Variants in CABP7 observed in about 807,000 individuals in gnomAD.
CABP7 encodes calcium-binding protein 7.
A neutral mutation model predicts 23.1 loss-of-function variants in CABP7; 13 were observed. That is an observed-to-expected ratio of 0.56 (90% CI 0.37 to 0.90). The LOEUF is 0.90. Among genes scored for constraint, CABP7 ranks in the 40% least tolerant of loss-of-function variants. The probability of loss-of-function intolerance (pLI) is 0.01; values close to 1 mark genes in which losing one functional copy is unlikely to be tolerated. For synonymous variants in CABP7, 123 were observed against 115.3 expected (o/e 1.07, Z -0.43); for missense variants, 248 against 295.6 (o/e 0.84, Z 1.18).
Position 29,729,685 on chromosome 22 carries a change from A to C in CABP7, c.*116A>C. Reference sequence around the variant, plus strand: ...CTGGGCCGCCATCTGCGTGTACTTCAGGGCCTGGGTATCCAGCGAGCCCTC... The same window carrying C: ...CTGGGCCGCCATCTGCGTGTACTTCCGGGCCTGGGTATCCAGCGAGCCCTC... On this transcript the variant is annotated 3_prime_UTR_variant, in exon 5 of 5. Coordinates refer to ENST00000216144, the MANE Select transcript of CABP7 (RefSeq NM_182527.3). 1 of 1,361,990 alleles carries C rather than the reference A, an allele frequency of 7.3e-7. No individual in the cohort carries two copies. The highest frequency in any genetic ancestry group is 1.3e-5 in the South Asian group (1 of 74,800). 84.4% of individuals were successfully genotyped at this position (1,361,990 alleles called of 1,614,324 possible).
intron 1 of CABP7, among the ~76,000 whole-genome samples, chr22:29,722,029 C>T (rs956153545): frequency 6.6e-6 from 1 of 152,066 alleles, no homozygotes; most frequent in African/African-American, 2.4e-5. Context: ...GGCCCTGGGC[C>T]ACCTCAAACC....
chr22:29,723,539 G>A (rs1277252102), intron 1 of CABP7, among the ~76,000 whole-genome samples: 3 of 152,346 alleles, frequency 2.0e-5, no homozygotes, highest in South Asian at 4.1e-4. Flanking sequence ...CTTTCTGGCC[G>A]AAGAGAGGAG....
At position 29,729,590 on chromosome 22, in the gene CABP7, C is replaced by A. The variant is rs1156824455; in HGVS notation, c.*21C>A. 6.2e-7 allele frequency: 1 copy of A among 1,605,624 alleles called. No homozygotes were observed. Among genetic ancestry groups the A allele is most frequent in the African/African-American group, 1.3e-5 (1 of 74,836 alleles). The stretch of plus-strand genomic sequence containing the variant: ...AGTAGACGCCACCTGGATGCCCCAT[C>A]CACCGCATGCGGTGCCCGTGGCCCG... On this transcript the variant is annotated 3_prime_UTR_variant, in exon 5 of 5. Coordinates refer to ENST00000216144, the MANE Select transcript of CABP7 (RefSeq NM_182527.3).
rs745357483 is a variant in CABP7 at position 29,728,624 on chromosome 22, C to T, written c.254-6C>T. On this transcript the variant is annotated splice_polypyrimidine_tract_variant and splice_region_variant and intron_variant, in intron 2 of 4. Transcript: ENST00000216144. ...CACTGATTGATTGGACCTGTGCCTC[C>T]ACCAGGTGATGGTCAAGTGGACTTT... is the stretch of plus-strand genomic sequence containing the variant. The T allele has an allele frequency of 4.4e-6, 7 of 1,586,474 alleles. No homozygotes were observed. In the South Asian group the frequency reaches 4.4e-5, roughly 10 times the overall value.
At chr22:29,728,870 C>T (rs1342159846) in intron 3 of CABP7, 128 bp downstream of exon 3, 1 of 1,006,152 alleles carries the variant, frequency 9.9e-7, no homozygotes, top group Admixed American at 2.1e-5. Flanking sequence ...CTGGACATTT[C>T]ACCTCTCAGA....
intron 1 of CABP7, among the ~76,000 whole-genome samples, chr22:29,721,914 G>T (rs2067764749): frequency 6.6e-6 from 1 of 152,132 alleles, no homozygotes; most frequent in African/African-American, 2.4e-5. Context: ...AAAACCCAGG[G>T]CCAGAGCCTC....
chr22:29,727,568 T>C lies in CABP7; in HGVS notation c.110-94T>C. 1 of 1,519,376 alleles carries C rather than the reference T, an allele frequency of 6.6e-7. No homozygotes were observed. The highest frequency in any genetic ancestry group is 9.1e-7 in the Non-Finnish European group (1 of 1,103,144). 94.1% of individuals were successfully genotyped at this position (1,519,376 alleles called of 1,614,324 possible). A position where few individuals can be genotyped will look rare whatever the true frequency, so the allele number is the denominator to read the frequency against. On this transcript the variant is annotated intron_variant, in intron 1 of 4. Coordinates refer to ENST00000216144, the MANE Select transcript of CABP7 (RefSeq NM_182527.3). The surrounding 1 kb of genome is among the most constrained non-coding windows in gnomAD (Gnocchi z 4.2). ...GCTCTGGGTTGGGCTCTCAAGGCCA[T>C]GCTCAGGCTGCAGGGTCGGTGATCC... is the stretch of plus-strand genomic sequence containing the variant.
chr22:29,728,626 C>G lies in CABP7; in HGVS notation c.254-4C>G, dbSNP rs775268057. On this transcript the variant is annotated splice_polypyrimidine_tract_variant and splice_region_variant and intron_variant, in intron 2 of 4. Transcript: ENST00000216144. ...CTGATTGATTGGACCTGTGCCTCCA[C>G]CAGGTGATGGTCAAGTGGACTTTGA... The G allele has an allele frequency of 5.6e-6, 9 of 1,593,022 alleles. No homozygotes were observed. The highest frequency in any genetic ancestry group is 1.3e-5 in the African/African-American group (1 of 74,618).
intron 1 of CABP7, among the ~76,000 whole-genome samples, chr22:29,723,036 C>G (rs766691324): frequency 4.6e-5 from 7 of 152,192 alleles, no homozygotes; most frequent in Non-Finnish European, 8.8e-5. Context: ...CCTTGGTTTC[C>G]CCACCTATAA....
chr22:29,721,342 C>G (rs1028573907), intron 1 of CABP7, among the ~76,000 whole-genome samples: 3 of 152,130 alleles, frequency 2.0e-5, no homozygotes, highest in Non-Finnish European at 4.4e-5. Context: ...AGCAGTGAGA[C>G]CCCTGGGGCC....
At chr22:29,724,460 T>C (rs2067781845) in intron 1 of CABP7, among the ~76,000 whole-genome samples, 1 of 152,246 alleles carries the variant, frequency 6.6e-6, no homozygotes, top group African/African-American at 2.4e-5. Flanking sequence ...TGCTTGATTT[T>C]ATTGCTTAAT....
Position 29,730,208 on chromosome 22 carries a change from C to G in CABP7, c.*639C>G, listed in dbSNP as rs1455461328. Reference sequence around the variant, plus strand: ...CAGCCCATTTCACAGGTGAGGAACCCGAGGCTCAGGGCCCCGAGACTTGGC... The same window carrying G: ...CAGCCCATTTCACAGGTGAGGAACCGGAGGCTCAGGGCCCCGAGACTTGGC... On this transcript the variant is annotated 3_prime_UTR_variant, in exon 5 of 5. Transcript: ENST00000216144. 1 of 152,838 alleles carries G rather than the reference C, an allele frequency of 6.5e-6. No individual in the cohort carries two copies. The highest frequency in any genetic ancestry group is 6.5e-5 in the Admixed American group (1 of 15,290). The allele number at this position is 152,838 out of a possible 1,614,324, so 9.5% of individuals were successfully genotyped here.
At chr22:29,722,780 G>A (rs1003501935) in intron 1 of CABP7, among the ~76,000 whole-genome samples, 15 of 152,246 alleles carry the variant, frequency 9.9e-5, no homozygotes, top group African/African-American at 3.6e-4. Flanking sequence ...CCGGGAGGAC[G>A]CCATTCGCGG....
At chr22:29,726,888 GA>G (rs1484638821) in intron 1 of CABP7, among the ~76,000 whole-genome samples, 2 of 152,206 alleles carry the variant, frequency 1.3e-5, no homozygotes, top group South Asian at 2.1e-4. Flanking sequence ...GTGTGCCAGG[GA>G]GTCCCCACCA....
In CABP7 at chr22:29,727,973, C is replaced by T. The variant is rs938700944; in HGVS notation, c.253+168C>T. Among the ~76,000 whole-genome samples the T allele has an allele frequency of 2.6e-5, 4 of 152,320 alleles. No individual in the cohort carries two copies. Among genetic ancestry groups the T allele is most frequent in the Admixed American group, 6.5e-5 (1 of 15,302 alleles). The stretch of plus-strand genomic sequence containing the variant: ...TGCAGCCCGGTCTGGCCCCATTTCT[C>T]AGCCTGGAGAATTGAGGCCAGAGAG... On this transcript the variant is annotated intron_variant, in intron 2 of 4. Coordinates refer to ENST00000216144, the MANE Select transcript of CABP7 (RefSeq NM_182527.3). The surrounding 1 kb of genome is among the most constrained non-coding windows in gnomAD (Gnocchi z 4.2).
In CABP7 at chr22:29,731,399, C is replaced by T; in HGVS notation, c.*1830C>T. 1 of 1,525,364 alleles carries T rather than the reference C, an allele frequency of 6.6e-7. No homozygotes were observed. Among genetic ancestry groups the T allele is most frequent in the Non-Finnish European group, 8.7e-7 (1 of 1,148,968 alleles). 94.5% of individuals were successfully genotyped at this position (1,525,364 alleles called of 1,614,324 possible). On this transcript the variant is annotated 3_prime_UTR_variant, in exon 5 of 5. Coordinates refer to ENST00000216144, the MANE Select transcript of CABP7 (RefSeq NM_182527.3). ...CGGGGAGAATAAGAGTGCACTACAG[C>T]CCAGGCTTATGCCACCCCCAGCCCA... is the stretch of plus-strand genomic sequence containing the variant.
At chr22:29,724,417 C>T (rs2067781597) in intron 1 of CABP7, among the ~76,000 whole-genome samples, 1 of 152,244 alleles carries the variant, frequency 6.6e-6, no homozygotes, top group Admixed American at 6.5e-5. Flanking sequence ...TGATTTATAG[C>T]ATCCATCTCT....
In CABP7 at chr22:29,729,561, A is replaced by G; in HGVS notation, c.640A>G (p.Met214Val). The G allele has an allele frequency of 1.2e-6, 2 of 1,610,454 alleles. No individual in the cohort carries two copies. The highest frequency in any genetic ancestry group is 1.7e-6 in the Non-Finnish European group (2 of 1,179,896). The change falls in exon 5 of 5, where the codon ATG (methionine) becomes GTG (valine). Residue 214 changes from methionine to valine, a missense_variant. By Grantham distance (21) the Met-to-Val change is conservative (BLOSUM62 1). Transcript: ENST00000216144. ...IAANQVLRSG[M>V]K The stretch of plus-strand genomic sequence containing the variant: ...GGCCAACCAGGTGCTGCGCAGTGGC[A>G]TGAAGTAGACGCCACCTGGATGCCC...
In CABP7 at chr22:29,729,234, C is replaced by T. The variant is rs759278707; in HGVS notation, c.520+26C>T. On this transcript the variant is annotated intron_variant, in intron 4 of 4. Coordinates refer to ENST00000216144, the MANE Select transcript of CABP7 (RefSeq NM_182527.3). ...GTGAGTGGCTGGCCCTGGAACCCCACGGGTGGGCCCAGTGACTTGGCCAGG... is the reference window on the plus strand; with the variant it reads ...GTGAGTGGCTGGCCCTGGAACCCCATGGGTGGGCCCAGTGACTTGGCCAGG... The T allele has an allele frequency of 4.7e-5, 75 of 1,589,192 alleles. No homozygotes were observed. In the Middle Eastern group the frequency reaches 8.8e-4, roughly 19 times the overall value.
Sources: gnomAD v4.1 joint callset for allele counts (sites outside exome capture counted in the v4.1 genomes callset) on GRCh38, gnomAD v4.1.1 for gene constraint, Gnocchi (gnomAD v3.1) non-coding constraint, MANE v1.5 for transcripts, NCBI Gene and HGNC (gene_info 2026-07-23, HGNC 2026-07-21) for gene names.